APRT: variants seen among roughly 807,000 people sequenced by gnomAD.
APRT encodes AMP diphosphorylase.
In APRT, 25 loss-of-function variants were observed where a neutral mutation model predicts 21.0. The observed-to-expected ratio is 1.19, with a 90% CI of 0.87 to 1.66. The LOEUF (loss-of-function observed/expected upper bound fraction) is 1.66. Ranked by LOEUF, APRT falls within the 40% of genes most tolerant of loss-of-function variation. APRT has a pLI of 0.00. For synonymous variants in APRT, 153 were observed against 109.0 expected, an observed-to-expected ratio of 1.40 and a Z score of -2.52; for missense variants, 294 against 232.7, an observed-to-expected ratio of 1.26 and a Z score of -1.72.
Position 88,809,428 on chromosome 16 carries a change from G to T in APRT, c.*270C>A, listed in dbSNP as rs1264964946. Reference sequence around the variant, plus strand: ...ACAGCTGAAGTCTGGTGTTGTCCTGGGGCTCCCTGCCCTGGGGAACAGGAG... The same window carrying T: ...ACAGCTGAAGTCTGGTGTTGTCCTGTGGCTCCCTGCCCTGGGGAACAGGAG... On this transcript the variant is annotated 3_prime_UTR_variant, in exon 5 of 5. Transcript: ENST00000378364. 3 of 589,424 alleles carry T rather than the reference G, an allele frequency of 5.1e-6. No individual in the cohort carries two copies. In the Admixed American group the frequency reaches 6.5e-5, roughly 13 times the overall value. 36.5% of individuals were successfully genotyped at this position (589,424 alleles called of 1,614,324 possible). A position where few individuals can be genotyped will look rare whatever the true frequency, so the allele number is the denominator to read the frequency against.
At chr16:88,811,272 T>A in intron 2 of APRT, 1 of 525,294 alleles carries the variant, frequency 1.9e-6, no homozygotes, top group East Asian at 3.3e-5. Context: ...CCCTGTGGAT[T>A]CAGCTTGGGC....
chr16:88,810,951 G>A (rs960437845), intron 2 of APRT, among the ~76,000 whole-genome samples: 3 of 152,112 alleles, frequency 2.0e-5, no homozygotes, highest in Non-Finnish European at 2.9e-5. Flanking sequence ...GGGAAACCCT[G>A]CCCCGGCCTG....
intron 2 of APRT, among the ~76,000 whole-genome samples, 193 bp from the exon 3 acceptor site, chr16:88,810,749 G>A (rs1646690617): frequency 6.6e-6 from 1 of 152,190 alleles, no homozygotes; most frequent in African/African-American, 2.4e-5. Flanking sequence ...TCTTTTAAGG[G>A]ACCACTTCTT....
At chr16:88,810,902 C>G (rs1172847713) in intron 2 of APRT, among the ~76,000 whole-genome samples, 1 of 152,156 alleles carries the variant, frequency 6.6e-6, no homozygotes, top group Admixed American at 6.5e-5. Context: ...AAGGGAGTCT[C>G]TCGAGGTGGC....
At position 88,810,107 on chromosome 16, in the gene APRT, C is replaced by G. The variant is rs747315064; in HGVS notation, c.363G>C (p.Gln121His). 2 of 1,613,342 alleles carry G rather than the reference C, an allele frequency of 1.2e-6. No homozygotes were observed. The highest frequency in any genetic ancestry group is 3.3e-5 in the Admixed American group (2 of 60,038). ...GCAGATCATCCACGACGACCACCCT[C>G]TGTCCTGGCTCCAGGGCGTCTTTCT... ...EIQKDALEPG[Q>H]RVVVVDDLLA... Residue 121 changes from glutamine (Q) to histidine (H), a missense_variant, in exon 4 of 5, where the codon CAG becomes CAC. Coordinates refer to ENST00000378364, the MANE Select transcript of APRT (RefSeq NM_000485.3).
rs1304802916 is a variant in APRT at position 88,810,644 on chromosome 16, T to G, written c.188-88A>C. On this transcript the variant is annotated intron_variant, in intron 2 of 4. Transcript: ENST00000378364. ...CGGTGGCAAGGGGTACCTGGTTGGC[T>G]CCCAGCTGAAAGGCCAGTGACATGC... The G allele has an allele frequency of 3.3e-6, 5 of 1,512,432 alleles. No homozygotes were observed. In the East Asian group the frequency reaches 7.0e-5, roughly 21 times the overall value. The allele number at this position is 1,512,432 out of a possible 1,614,324, so 93.7% of individuals were successfully genotyped here.
At chr16:88,809,992 C>T in intron 4 of APRT, 78 bp downstream of exon 4, 1 of 1,575,458 alleles carries the variant, frequency 6.3e-7, no homozygotes, top group Non-Finnish European at 8.7e-7. Context: ...AGCTGCATCC[C>T]ATGTCACACA....
chr16:88,811,462 C>T, intron 2 of APRT, 88 bp downstream of exon 2: 2 of 1,384,970 alleles, frequency 1.4e-6, no homozygotes, highest in Non-Finnish European at 2.0e-6. Flanking sequence ...CCCAAAGGCC[C>T]TCCCCCAAGC....
Position 88,809,520 on chromosome 16 carries a change from T to G in APRT, c.*178A>C, listed in dbSNP as rs4695. Reference sequence around the variant, plus strand: ...TCCCGCTGTGTGTAATTGGGTTCAGTGTGGCTGAAACACAGCTTTGCCCCA... The same window carrying G: ...TCCCGCTGTGTGTAATTGGGTTCAGGGTGGCTGAAACACAGCTTTGCCCCA... On this transcript the variant is annotated 3_prime_UTR_variant, in exon 5 of 5. Transcript: ENST00000378364. 1,420 of 996,758 alleles carry G rather than the reference T, an allele frequency of 1.4e-3. 13 individuals carry two copies. The African/African-American group carries it at 0.02, about 14-fold the overall frequency. 61.7% of individuals were successfully genotyped at this position (996,758 alleles called of 1,614,324 possible).
At chr16:88,811,337 G>T (rs1909129482) in intron 2 of APRT, 5 of 595,192 alleles carry the variant, frequency 8.4e-6, no homozygotes, top group South Asian at 8.1e-5. Flanking sequence ...CTGGGCTGGG[G>T]ACCCGGAACC....
rs141669365 is a variant in APRT at position 88,809,781 on chromosome 16, C to T, written c.460G>A (p.Val154Met). ...GRLQAEVLEC[V>M]SLVELTSLKG... is the part of the protein sequence containing the mutation. Reference sequence around the variant, plus strand: ...AGCGAGGTCAGCTCCACCAGGCTCACGCACTCCAGGACCTCAGCCTGCAGG... The same window carrying T: ...AGCGAGGTCAGCTCCACCAGGCTCATGCACTCCAGGACCTCAGCCTGCAGG... The change falls in exon 5 of 5, where the codon GTG (valine) becomes ATG (methionine). Residue 154 changes from valine to methionine, a missense_variant. Coordinates refer to ENST00000378364, the MANE Select transcript of APRT (RefSeq NM_000485.3). The T allele has an allele frequency of 3.0e-5, 48 of 1,613,258 alleles. No individual in the cohort carries two copies. The highest frequency in any genetic ancestry group is 1.6e-4 in the Middle Eastern group (1 of 6,062).
Position 88,810,496 on chromosome 16 carries a change from C to G in APRT, c.248G>C (p.Cys83Ser). Residue 83 changes from cysteine to serine, a missense_variant, in exon 3 of 5, where the codon TGC becomes TCC. Coordinates refer to ENST00000378364, the MANE Select transcript of APRT (RefSeq NM_000485.3). The part of the protein sequence containing the change: ...PSLAQELGLG[C>S]VLIRKRGKLP... ...CTTCCCCCGCTTTCGGATGAGCACG[C>G]AGCCCAGTCCAAGCTCCTGGGCCAG... is the stretch of plus-strand genomic sequence containing the variant. 2 of 1,612,274 alleles carry G rather than the reference C, an allele frequency of 1.2e-6. No homozygotes were observed. Among genetic ancestry groups the G allele is most frequent in the Non-Finnish European group, 1.7e-6 (2 of 1,179,918 alleles).
Position 88,810,562 on chromosome 16 carries a change from AG to A in APRT, c.188-7del, listed in dbSNP as rs750093347. 8.1e-6 allele frequency: 13 copies of A among 1,610,658 alleles called. No individual in the cohort carries two copies. The South Asian group carries it at 1.4e-4, about 18-fold the overall frequency. On this transcript the variant is annotated splice_polypyrimidine_tract_variant and splice_region_variant and intron_variant, in intron 2 of 4. Coordinates refer to ENST00000378364, the MANE Select transcript of APRT (RefSeq NM_000485.3). ...GAAGCCTCGGGAGTCTAGGCCTGTC[AG>A]GGTAAGTGACAGGAGTGACTCGGCA...
At chr16:88,811,710 G>T in intron 1 of APRT, 54 bp from the exon 2 acceptor site, 1 of 1,507,330 alleles carries the variant, frequency 6.6e-7, no homozygotes, top group Non-Finnish European at 8.9e-7. Flanking sequence ...GCAGGGCCCC[G>T]GGGGCGAAAG....
chr16:88,811,274 A>G (rs1016976071), intron 2 of APRT: 1 of 535,524 alleles, frequency 1.9e-6, no homozygotes, highest in Non-Finnish European at 3.3e-6. Flanking sequence ...CTGTGGATTC[A>G]GCTTGGGCAC....
intron 2 of APRT, among the ~76,000 whole-genome samples, chr16:88,810,854 C>T (rs1395966314): frequency 6.6e-6 from 1 of 152,186 alleles, no homozygotes; most frequent in Admixed American, 6.5e-5. Context: ...CCTCAGCTTA[C>T]TCTCAAAGGC....
intron 1 of APRT, 24 bp from the exon 2 acceptor site, chr16:88,811,680 G>C: frequency 6.5e-7 from 1 of 1,550,382 alleles, no homozygotes; most frequent in Non-Finnish European, 8.7e-7. Context: ...CAGGCCTGGT[G>C]ACGCCGGGGC....
rs550330429 is a variant in APRT at position 88,811,370 on chromosome 16, C to T, written c.187+180G>A. 6 of 657,794 alleles carry T rather than the reference C, an allele frequency of 9.1e-6. No individual in the cohort carries two copies. In the African/African-American group the frequency reaches 1.1e-4, roughly 12 times the overall value. The allele number at this position is 657,794 out of a possible 1,614,324, so 40.7% of individuals were successfully genotyped here. ...ACCTGCGGGAAGGACGCCTGCACAGCGCGGCGGCCTCGGGGGCTCAATCTC... is the reference window on the plus strand; with the variant it reads ...ACCTGCGGGAAGGACGCCTGCACAGTGCGGCGGCCTCGGGGGCTCAATCTC... On this transcript the variant is annotated intron_variant, in intron 2 of 4. Coordinates refer to ENST00000378364, the MANE Select transcript of APRT (RefSeq NM_000485.3).
Position 88,809,948 on chromosome 16 carries a change from G to A in APRT, c.401-108C>T, listed in dbSNP as rs754983641. On this transcript the variant is annotated intron_variant, in intron 4 of 4. Coordinates refer to ENST00000378364, the MANE Select transcript of APRT (RefSeq NM_000485.3). ...GAAGGCATGGGGAGAGGAAGGTGTC[G>A]GCCTGGCCACCAGGCACCCTCTGGA... 73 of 1,569,500 alleles carry A rather than the reference G, an allele frequency of 4.7e-5. 1 individual carries two copies. In the Middle Eastern group the frequency reaches 7.8e-4, roughly 17 times the overall value.
Sources: allele counts gnomAD v4.1 joint callset (sites outside exome capture counted in the v4.1 genomes callset), GRCh38; gene constraint gnomAD v4.1.1; transcripts MANE v1.5; gene names NCBI Gene and HGNC (gene_info 2026-07-23, HGNC 2026-07-21).